Variants in THSD7A observed in about 807,000 individuals in gnomAD.
The protein encoded by THSD7A is thrombospondin type-1 domain-containing protein 7A.
A neutral mutation model predicts 231.3 loss-of-function variants in THSD7A; 96 were observed. The ratio of observed to expected loss-of-function variants is 0.41; its 90% CI spans 0.35 to 0.49. The LOEUF is 0.49. Among genes scored for constraint, THSD7A ranks in the 20% least tolerant of loss-of-function variants. The pLI, the probability that THSD7A is intolerant of heterozygous loss-of-function variation, is 0.05. For missense variants in THSD7A, 2,290 were observed against 2,070.2 expected (o/e 1.11, Z -2.06); for synonymous variants, 940 against 743.3 (o/e 1.26, Z -4.30).
chr7:11,599,081 C>T (rs866958749), intron 2 of THSD7A, among the ~76,000 whole-genome samples: 7 of 152,080 alleles, frequency 4.6e-5, no homozygotes, highest in African/African-American at 1.7e-4. Flanking sequence ...TAGGGCGTCC[C>T]TTAGTATTGT....
intron 1 of THSD7A, among the ~76,000 whole-genome samples, chr7:11,711,229 G>C (rs1162727007): frequency 1.3e-5 from 2 of 150,854 alleles, no homozygotes; most frequent in Admixed American, 1.3e-4. Flanking sequence ...GTCATTTCAA[G>C]TCATAGGTTT....
At chr7:11,592,385 AAGTTC>A (rs1174264336) in intron 3 of THSD7A, among the ~76,000 whole-genome samples, 2 of 152,228 alleles carry the variant, frequency 1.3e-5, no homozygotes, top group Admixed American at 1.3e-4. Flanking sequence ...GCTCTCAATG[AAGTTC>A]ACACATCTCT....
In THSD7A at chr7:11,523,487, T is replaced by A. The variant is rs771482451; in HGVS notation, c.1822+17932A>T. On this transcript the variant is annotated intron_variant, in intron 6 of 27. Coordinates refer to ENST00000423059, the MANE Select transcript of THSD7A (RefSeq NM_015204.3). ...TCTGGATGGAGAGATTATGTGTGAT[T>A]AAAGTTGTTAATTTTCCTAAATGTA... Among the ~76,000 whole-genome samples, 75 of 152,178 alleles carry A rather than the reference T, an allele frequency of 4.9e-4. No individual in the cohort carries two copies. The Middle Eastern group carries it at 0.017, about 35-fold the overall frequency.
chr7:11,473,297 A>G (rs888494079), intron 8 of THSD7A, among the ~76,000 whole-genome samples: 13 of 152,132 alleles, frequency 8.5e-5, no homozygotes, highest in Admixed American at 7.9e-4. Context: ...AGTAGCTGAA[A>G]TTCTTAAGAA....
chr7:11,724,297 T>C (rs1781470214), intron 1 of THSD7A, among the ~76,000 whole-genome samples: 1 of 151,954 alleles, frequency 6.6e-6, no homozygotes, highest in South Asian at 2.1e-4. Flanking sequence ...GGATTCAATG[T>C]AGTGCAAAGT....
intron 22 of THSD7A, among the ~76,000 whole-genome samples, chr7:11,405,055 G>C (rs1783536333): frequency 6.6e-6 from 1 of 151,600 alleles, no homozygotes; most frequent in African/African-American, 2.4e-5. Context: ...TAGGGGGCTT[G>C]TCCTCAAAAT....
chr7:11,406,874 G>A lies in THSD7A; in HGVS notation c.4062+36C>T. On this transcript the variant is annotated intron_variant, in intron 21 of 27. Coordinates refer to ENST00000423059, the MANE Select transcript of THSD7A (RefSeq NM_015204.3). This position sits in a 1 kb window ranked among gnomAD's most constrained non-coding sequence, Gnocchi z 4.7. Reference sequence around the variant, plus strand: ...TGCAGATGAAGTCTCTGCAGATAGAGTACACACTTCCTGACAACTTCTTGA... The same window carrying A: ...TGCAGATGAAGTCTCTGCAGATAGAATACACACTTCCTGACAACTTCTTGA... 1 of 1,611,664 alleles carries A rather than the reference G, an allele frequency of 6.2e-7. No homozygotes were observed. Among genetic ancestry groups the A allele is most frequent in the Non-Finnish European group, 8.5e-7 (1 of 1,178,472 alleles).
At chr7:11,439,173 T>A (rs1256803578) in intron 13 of THSD7A, among the ~76,000 whole-genome samples, 1 of 152,032 alleles carries the variant, frequency 6.6e-6, no homozygotes, top group Non-Finnish European at 1.5e-5. Context: ...AGCACCAATT[T>A]TCCATTAAGA....
At chr7:11,732,168 T>C in intron 1 of THSD7A, among the ~76,000 whole-genome samples, 1 of 151,696 alleles carries the variant, frequency 6.6e-6, no homozygotes, top group Non-Finnish European at 1.5e-5. Context: ...CATGAGTACA[T>C]GTTTGTTCTT....
At chr7:11,585,593 C>T (rs931722282) in intron 4 of THSD7A, among the ~76,000 whole-genome samples, 1 of 152,142 alleles carries the variant, frequency 6.6e-6, no homozygotes, top group East Asian at 1.9e-4. Context: ...ATATTAAACA[C>T]TGAAATAAAT....
At chr7:11,710,479 C>T (rs1032078693) in intron 1 of THSD7A, among the ~76,000 whole-genome samples, 4 of 150,726 alleles carry the variant, frequency 2.7e-5, no homozygotes, top group Non-Finnish European at 6.0e-5. Flanking sequence ...CAAAAACATG[C>T]TGCAAAATTT....
chr7:11,650,591 G>A (rs1782460348), intron 1 of THSD7A, among the ~76,000 whole-genome samples: 1 of 151,872 alleles, frequency 6.6e-6, no homozygotes, highest in Admixed American at 6.6e-5. Context: ...TGCTGAGTGG[G>A]TTTCTGCAGG....
intron 1 of THSD7A, among the ~76,000 whole-genome samples, chr7:11,708,592 A>C (rs1444088052): frequency 6.6e-6 from 1 of 150,712 alleles, no homozygotes; most frequent in Non-Finnish European, 1.5e-5. Flanking sequence ...GTAACATGTA[A>C]ATTTTTGAGT....
At chr7:11,398,313 A>G (rs35634228) in intron 23 of THSD7A, among the ~76,000 whole-genome samples, 3,354 of 152,192 alleles carry the variant, frequency 0.022, 51 homozygotes, top group Non-Finnish European at 0.035. Flanking sequence ...GCACGTTCTC[A>G]TTCATAATTG....
At chr7:11,726,828 CAT>C (rs1781563803) in intron 1 of THSD7A, among the ~76,000 whole-genome samples, 1 of 151,916 alleles carries the variant, frequency 6.6e-6, no homozygotes, top group South Asian at 2.1e-4. Flanking sequence ...AATCATAAAA[CAT>C]AAATACCGCA....
At chr7:11,672,014 T>A (rs1026847024) in intron 1 of THSD7A, among the ~76,000 whole-genome samples, 1 of 152,178 alleles carries the variant, frequency 6.6e-6, no homozygotes, top group African/African-American at 2.4e-5. Flanking sequence ...TTAACTATTA[T>A]GAGAATGGCA....
intron 1 of THSD7A, among the ~76,000 whole-genome samples, chr7:11,737,521 T>C (rs1259941751): frequency 6.6e-6 from 1 of 151,998 alleles, no homozygotes; most frequent in East Asian, 1.9e-4. Context: ...AATCAGTAGA[T>C]ATTTTACAGA....
At chr7:11,408,614 A>T (rs1783671237) in intron 19 of THSD7A, among the ~76,000 whole-genome samples, 1 of 152,252 alleles carries the variant, frequency 6.6e-6, no homozygotes, top group African/African-American at 2.4e-5. Context: ...GACCTTTTTT[A>T]TTTCTGCATG....
chr7:11,748,906 T>C (rs924770995), intron 1 of THSD7A, among the ~76,000 whole-genome samples: 2 of 152,030 alleles, frequency 1.3e-5, no homozygotes, highest in Non-Finnish European at 2.9e-5. Flanking sequence ...TTATTGATCA[T>C]AAGATTTTTT....
Sources: allele counts gnomAD v4.1 joint callset (sites outside exome capture counted in the v4.1 genomes callset), GRCh38; gene constraint gnomAD v4.1.1; non-coding constraint Gnocchi (gnomAD v3.1); transcripts MANE v1.5; gene names NCBI Gene and HGNC (gene_info 2026-07-23, HGNC 2026-07-21).